Variants in LRP6 observed in about 807,000 individuals in gnomAD.
The protein encoded by LRP6 is low-density lipoprotein receptor-related protein 6.
A neutral mutation model predicts 184.1 loss-of-function variants in LRP6; 43 were observed. The observed-to-expected ratio is 0.23, with a 90% CI of 0.18 to 0.30. LRP6 has a LOEUF of 0.30. LRP6 is among the 10% of genes least tolerant of loss of function. LRP6 has a pLI of 1.00. For missense variants in LRP6, 1,571 were observed against 2,005.3 expected (o/e 0.78, Z 4.14); for synonymous variants, 719 against 684.9 (o/e 1.05, Z -0.78).
At chr12:12,244,714 AAACTGCGT>A in intron 1 of LRP6, 59 bp from the exon 2 acceptor site, 2 of 1,563,026 alleles carry the variant, frequency 1.3e-6, no homozygotes, top group Non-Finnish European at 1.7e-6. Context: ...TGGTTCTTAT[AAACTGCGT>A]TTCAAATCGG....
intron 2 of LRP6, among the ~76,000 whole-genome samples, chr12:12,206,678 C>G (rs796708510): frequency 5.0e-4 from 76 of 152,172 alleles, no homozygotes; most frequent in African/African-American, 1.8e-3. Context: ...CAGGCCAAGG[C>G]AGGAGGACTG....
chr12:12,226,337 G>A (rs987394316), intron 2 of LRP6, among the ~76,000 whole-genome samples: 17 of 152,170 alleles, frequency 1.1e-4, no homozygotes, highest in South Asian at 4.1e-4. Context: ...TGAAGAGACA[G>A]AGCAAGTACC....
Position 12,187,099 on chromosome 12 carries a change from G to A in LRP6, c.668C>T (p.Ser223Phe). 6.2e-7 allele frequency: 1 copy of A among 1,614,024 alleles called. No homozygotes were observed. Among genetic ancestry groups the A allele is most frequent in the Non-Finnish European group, 8.5e-7 (1 of 1,179,960 alleles). The change falls in exon 4 of 23, where the codon TCC becomes TTC. Residue 223 changes from serine to phenylalanine, a missense_variant. Transcript: ENST00000261349. ...GTNRQAVVKG[S>F]LPHPFALTLF... ...CGTCAAGGCAAAAGGATGTGGAAGG[G>A]AACCTTTAACCACTGCCTGCCTATT...
chr12:12,144,912 G>A (rs9705600), intron 15 of LRP6, among the ~76,000 whole-genome samples: 50,823 of 141,252 alleles, frequency 0.36, 11,051 homozygotes, highest in East Asian at 0.79. Flanking sequence ...GGGGCCTGTC[G>A]GGGGGTGGGG....
Position 12,177,638 on chromosome 12 carries a change from C to T in LRP6, c.1545+2172G>A, listed in dbSNP as rs139293234. On this transcript the variant is annotated intron_variant, in intron 7 of 22. Transcript: ENST00000261349. ...ATAACTATATGCTGTATTTCCTAGA[C>T]GTGCCTATGTAAATAAAATGACAAA... is the stretch of plus-strand genomic sequence containing the variant. 7.2e-5 allele frequency among the ~76,000 whole-genome samples: 11 copies of T among 152,196 alleles called. No homozygotes were observed. In the East Asian group the frequency reaches 1.5e-3, roughly 21 times the overall value.
chr12:12,150,961 T>C lies in LRP6; in HGVS notation c.2869A>G (p.Ile957Val), dbSNP rs1162265780. Residue 957 changes from isoleucine to valine, a missense_variant, in exon 13 of 23, where the codon ATC (isoleucine) becomes GTC (valine). Ile to Val is a conservative substitution (Grantham distance 29). Transcript: ENST00000261349. ...MVIDEQQSPD[I>V]ILPIHSLRNV... ...CGAAGGCTGTGGATGGGAAGGATGATGTCGGGGCTCTGTTGTTCATCAATC... is the reference window on the plus strand; with the variant it reads ...CGAAGGCTGTGGATGGGAAGGATGACGTCGGGGCTCTGTTGTTCATCAATC... 4 of 1,614,046 alleles carry C rather than the reference T, an allele frequency of 2.5e-6. No individual in the cohort carries two copies. Among genetic ancestry groups the C allele is most frequent in the Non-Finnish European group, 3.4e-6 (4 of 1,180,030 alleles).
intron 2 of LRP6, among the ~76,000 whole-genome samples, chr12:12,232,817 T>A (rs1864827652): frequency 6.6e-6 from 1 of 152,166 alleles, no homozygotes; most frequent in Admixed American, 6.6e-5. Context: ...GAACTAGGTA[T>A]TTGGCAAAAT....
intron 3 of LRP6, among the ~76,000 whole-genome samples, chr12:12,194,760 T>C (rs1863709346): frequency 1.3e-5 from 2 of 152,156 alleles, no homozygotes; most frequent in South Asian, 2.1e-4. Flanking sequence ...TTTGAAATTA[T>C]ATAATGTTTT....
chr12:12,241,529 T>C (rs989083239), intron 2 of LRP6, among the ~76,000 whole-genome samples: 2 of 152,158 alleles, frequency 1.3e-5, no homozygotes, highest in Non-Finnish European at 2.9e-5. Context: ...CAGATTCTAT[T>C]TGTTTCCAGT....
chr12:12,179,427 T>TA lies in LRP6; in HGVS notation c.1545+382dup, dbSNP rs1350210939. 5.9e-5 allele frequency among the ~76,000 whole-genome samples: 9 copies of TA among 152,188 alleles called. No individual in the cohort carries two copies. The East Asian group carries it at 1.7e-3, about 29-fold the overall frequency. On this transcript the variant is annotated intron_variant, in intron 7 of 22. Transcript: ENST00000261349. Reference sequence around the variant, plus strand: ...ATAGATATAGATATAGATATACACATACATGTGGGCTTTGTTTTCCTAACT... The same window carrying TA: ...ATAGATATAGATATAGATATACACATAACATGTGGGCTTTGTTTTCCTAACT...
chr12:12,161,348 A>T (rs138111392), intron 10 of LRP6, among the ~76,000 whole-genome samples: 2,654 of 152,072 alleles, frequency 0.017, 55 homozygotes, highest in Non-Finnish European at 0.027. Context: ...GCTCACTGCA[A>T]CCTCCACCTC....
At position 12,184,120 on chromosome 12, in the gene LRP6, T is replaced by C; in HGVS notation, c.845-9A>G. 4 of 1,611,998 alleles carry C rather than the reference T, an allele frequency of 2.5e-6. No homozygotes were observed. Among genetic ancestry groups the C allele is most frequent in the Non-Finnish European group, 3.4e-6 (4 of 1,178,198 alleles). ...TCCACATGGATTTGTGGCTGTCAAATATAAATCACATTGATTAATATCAAT... is the reference window on the plus strand; with the variant it reads ...TCCACATGGATTTGTGGCTGTCAAACATAAATCACATTGATTAATATCAAT... On this transcript the variant is annotated splice_polypyrimidine_tract_variant and intron_variant, in intron 4 of 22. Coordinates refer to ENST00000261349, the MANE Select transcript of LRP6 (RefSeq NM_002336.3).
Position 12,165,118 on chromosome 12 carries a change from G to C in LRP6, c.1723C>G (p.Leu575Val), listed in dbSNP as rs760376778. The change falls in exon 8 of 23, where the codon CTC becomes GTC. Residue 575 changes from leucine (L) to valine (V), a missense_variant. Physicochemically the swap from Leu to Val is conservative, Grantham distance 32 (BLOSUM62 1). Coordinates refer to ENST00000261349, the MANE Select transcript of LRP6 (RefSeq NM_002336.3). ...REVIIDQLPD[L>V]MGLKATNVHR... is the part of the protein sequence containing the mutation. ...ACATTTGTAGCCTTTAGGCCCATGA[G>C]GTCAGGCAGCTGATCTATGATCACT... 1 of 1,613,970 alleles carries C rather than the reference G, an allele frequency of 6.2e-7. No individual in the cohort carries two copies. Among genetic ancestry groups the C allele is most frequent in the South Asian group, 1.1e-5 (1 of 91,064 alleles).
At chr12:12,249,433 G>T in intron 1 of LRP6, 2 of 760,652 alleles carry the variant, frequency 2.6e-6, no homozygotes, top group Middle Eastern at 3.9e-4. Context: ...GCAACTAATC[G>T]AAAAGAAAAA....
intron 2 of LRP6, among the ~76,000 whole-genome samples, chr12:12,227,219 G>A (rs1294663854): frequency 2.6e-5 from 4 of 152,052 alleles, no homozygotes; most frequent in Admixed American, 6.6e-5. Context: ...AAAAGTGAAG[G>A]AGAACTAAAG....
intron 2 of LRP6, among the ~76,000 whole-genome samples, chr12:12,208,203 C>T (rs901616486): frequency 6.6e-6 from 1 of 152,122 alleles, no homozygotes; most frequent in African/African-American, 2.4e-5. Flanking sequence ...TTATATGAAG[C>T]TATAGATGTA....
intron 2 of LRP6, among the ~76,000 whole-genome samples, chr12:12,210,241 A>G (rs1287795165): frequency 1.3e-5 from 2 of 152,220 alleles, no homozygotes; most frequent in Admixed American, 6.5e-5. Flanking sequence ...AAGGCAACAG[A>G]AGTTGAGGAC....
At chr12:12,123,641 T>C (rs1306747286) in intron 22 of LRP6, among the ~76,000 whole-genome samples, 1 of 152,194 alleles carries the variant, frequency 6.6e-6, no homozygotes, top group African/African-American at 2.4e-5. Flanking sequence ...ACTGATGGTC[T>C]GTTGGCCTTT....
At chr12:12,174,363 C>T (rs1425693054) in intron 7 of LRP6, among the ~76,000 whole-genome samples, 1 of 152,140 alleles carries the variant, frequency 6.6e-6, no homozygotes, top group Non-Finnish European at 1.5e-5. Context: ...CAGCACACCT[C>T]AGACTCTCAA....
Sources: allele counts gnomAD v4.1 joint callset (sites outside exome capture counted in the v4.1 genomes callset), GRCh38; gene constraint gnomAD v4.1.1; transcripts MANE v1.5; gene names NCBI Gene and HGNC (gene_info 2026-07-23, HGNC 2026-07-21).